The following GCA variants were observed in gnomAD, a reference collection of about 807,000 sequenced individuals.
GCA encodes grancalcin, EF-hand calcium-binding protein.
A neutral mutation model predicts 32.6 loss-of-function variants in GCA; 30 were observed. The ratio of observed to expected loss-of-function variants is 0.92; its 90% CI spans 0.69 to 1.25. The LOEUF is 1.25. Ranked by LOEUF, GCA falls within the 50% of genes most tolerant of loss-of-function variation. The probability of loss-of-function intolerance (pLI) is 0.00; values close to 1 mark genes in which losing one functional copy is unlikely to be tolerated. For synonymous variants in GCA, 102 were observed against 84.6 expected (o/e 1.21, Z -1.13); for missense variants, 291 against 266.8 (o/e 1.09, Z -0.63).
In GCA at chr2:162,352,337, G is replaced by A; in HGVS notation, c.193-1G>A. ...ATTAGGTCATAATTATTTTTAAACA[G>A]GATGGTGAAGTGGATGCTGAAGAAC... On this transcript the variant is annotated splice_acceptor_variant, in intron 2 of 7. Coordinates refer to ENST00000437150, the MANE Select transcript of GCA (RefSeq NM_012198.5). LOFTEE classifies it high-confidence loss of function. The A allele has an allele frequency of 6.5e-7, 1 of 1,549,448 alleles. No individual in the cohort carries two copies. Among genetic ancestry groups the A allele is most frequent in the Non-Finnish European group, 8.9e-7 (1 of 1,121,638 alleles).
chr2:162,336,258 G>A (rs1273775829), intron 1 of GCA, among the ~76,000 whole-genome samples: 1 of 152,100 alleles, frequency 6.6e-6, no homozygotes, highest in East Asian at 1.9e-4. Flanking sequence ...CTTTCCAAGG[G>A]AAATTAGTTT....
chr2:162,371,404 C>G, exon 5 of GCA: 1 of 1,289,054 alleles, frequency 7.8e-7, no homozygotes, highest in African/African-American at 1.5e-5. Flanking sequence ...CCCTGGAATT[C>G]CCATGAGTTG....
At chr2:162,324,839 C>T (rs1035455251) in intron 1 of GCA, among the ~76,000 whole-genome samples, 4 of 152,224 alleles carry the variant, frequency 2.6e-5, no homozygotes, top group Non-Finnish European at 5.9e-5. Flanking sequence ...GGACGATGAC[C>T]GGTTTTAACT....
At chr2:162,359,976 T>G (rs1404593982) in intron 7 of GCA, among the ~76,000 whole-genome samples, 2 of 151,294 alleles carry the variant, frequency 1.3e-5, no homozygotes, top group Non-Finnish European at 3.0e-5. Flanking sequence ...TTTTTTAAAA[T>G]TCAAGGTATA....
At chr2:162,321,478 C>A (rs1210377379) in intron 1 of GCA, among the ~76,000 whole-genome samples, 1 of 152,018 alleles carries the variant, frequency 6.6e-6, no homozygotes, top group African/African-American at 2.4e-5. Flanking sequence ...TAGTGAGAAA[C>A]CCTGGAATTG....
At chr2:162,341,944 A>G (rs2105296500), upstream of GCA, among the ~76,000 whole-genome samples, 1 of 152,346 alleles carries the variant, frequency 6.6e-6, no homozygotes, top group South Asian at 2.1e-4. Flanking sequence ...ACAACACACA[A>G]TGCCTAGTAC....
intron 4 of GCA, among the ~76,000 whole-genome samples, chr2:162,368,989 G>T (rs1685840567): frequency 1.3e-5 from 2 of 152,036 alleles, no homozygotes; most frequent in Admixed American, 1.3e-4. Flanking sequence ...ATAAACTTTA[G>T]ATTTTAAATG....
At chr2:162,334,122 C>T (rs983050658) in intron 1 of GCA, among the ~76,000 whole-genome samples, 1 of 152,178 alleles carries the variant, frequency 6.6e-6, no homozygotes, top group Non-Finnish European at 1.5e-5. Flanking sequence ...TTGCTTCCTT[C>T]CTGAGACTTC....
downstream of GCA, among the ~76,000 whole-genome samples, chr2:162,373,293 G>A (rs979194046): frequency 1.3e-5 from 2 of 152,122 alleles, no homozygotes; most frequent in African/African-American, 4.8e-5. Flanking sequence ...ATAAAAATCA[G>A]CGTGGGCTTG....
Position 162,356,751 on chromosome 2 carries a change from C to G in GCA, c.307-7C>G, listed in dbSNP as rs1685292499. ...TCAGAATTTATTTTTGTTAATAAAA[C>G]TATCAGAGAGATCACACAGGAAAAA... is the stretch of plus-strand genomic sequence containing the variant. On this transcript the variant is annotated splice_polypyrimidine_tract_variant and splice_region_variant and intron_variant, in intron 4 of 7. Transcript: ENST00000437150. 4 of 1,591,882 alleles carry G rather than the reference C, an allele frequency of 2.5e-6. No individual in the cohort carries two copies. In the African/African-American group the frequency reaches 4.0e-5, roughly 16 times the overall value.
At chr2:162,325,247 G>A (rs1683833182) in intron 1 of GCA, among the ~76,000 whole-genome samples, 1 of 152,094 alleles carries the variant, frequency 6.6e-6, no homozygotes, top group South Asian at 2.1e-4. Context: ...GGAATTCTGG[G>A]GTTTGTGAGC....
downstream of GCA, among the ~76,000 whole-genome samples, chr2:162,367,112 A>G (rs1685776481): frequency 6.6e-6 from 1 of 151,864 alleles, no homozygotes; most frequent in South Asian, 2.1e-4. Context: ...GATATGTTAG[A>G]TGCTAACACC....
intron 1 of GCA, among the ~76,000 whole-genome samples, chr2:162,333,538 G>A (rs1024552715): frequency 6.6e-6 from 1 of 152,060 alleles, no homozygotes; most frequent in African/African-American, 2.4e-5. Flanking sequence ...AACTTATTTA[G>A]CATAGATGAT....
chr2:162,362,922 G>T lies in GCA; in HGVS notation c.*2679G>T, dbSNP rs2105361572. Among the ~76,000 whole-genome samples the T allele has an allele frequency of 6.6e-6, 1 of 151,324 alleles. No homozygotes were observed. Among genetic ancestry groups the T allele is most frequent in the Admixed American group, 6.6e-5 (1 of 15,132 alleles). On this transcript the variant is annotated 3_prime_UTR_variant, in exon 8 of 8. Coordinates refer to ENST00000437150, the MANE Select transcript of GCA (RefSeq NM_012198.5). ...AAAAAGTAACAAAAAATGTAGTCAA[G>T]TTATGTTTATTTCCAAAAAAGGCAT...
At chr2:162,375,380 A>C (rs1049850014), downstream of GCA, among the ~76,000 whole-genome samples, 3 of 152,218 alleles carry the variant, frequency 2.0e-5, no homozygotes, top group Non-Finnish European at 4.4e-5. Context: ...TGAGAAATAA[A>C]ATCTCTTTAT....
intron 4 of GCA, 115 bp from the exon 5 acceptor site, chr2:162,356,643 C>A (rs144611480): frequency 4.6e-6 from 4 of 864,348 alleles, no homozygotes; most frequent in Middle Eastern, 2.3e-4. Flanking sequence ...ATGCAGAAGT[C>A]TGTTCATATA....
intron 5 of GCA, among the ~76,000 whole-genome samples, chr2:162,358,044 C>T (rs1354178917): frequency 6.6e-6 from 1 of 151,328 alleles, no homozygotes; most frequent in Non-Finnish European, 1.5e-5. Flanking sequence ...CAATTTATAC[C>T]TTTCCCACAT....
intron 3 of GCA, 33 bp downstream of exon 3, chr2:162,352,440 T>C (rs1685051366): frequency 2.5e-6 from 3 of 1,224,028 alleles, no homozygotes; most frequent in Non-Finnish European, 3.6e-6. Flanking sequence ...GTTGAAATTA[T>C]AATAGGAAGT....
upstream of GCA, among the ~76,000 whole-genome samples, chr2:162,342,211 A>G (rs1684475877): frequency 6.6e-6 from 1 of 152,176 alleles, no homozygotes; most frequent in South Asian, 2.1e-4. Context: ...TGTGTTGTTC[A>G]AAGTCCTCCT....
Sources: allele counts gnomAD v4.1 joint callset (sites outside exome capture counted in the v4.1 genomes callset), GRCh38; gene constraint gnomAD v4.1.1; transcripts MANE v1.5; gene names NCBI Gene and HGNC (gene_info 2026-07-23, HGNC 2026-07-21).